Variants in CDK19 observed in about 807,000 individuals in gnomAD.
The protein encoded by CDK19 is cyclin-dependent kinase 19.
In CDK19, 20 loss-of-function variants were observed where a neutral mutation model predicts 68.3. The ratio of observed to expected loss-of-function variants is 0.29; its 90% CI spans 0.21 to 0.43. The LOEUF (loss-of-function observed/expected upper bound fraction) is 0.43, where lower values mean the gene tolerates loss of function less well. CDK19 is among the 20% of genes least tolerant of loss of function. The probability of loss-of-function intolerance (pLI) is 1.00; values close to 1 mark genes in which losing one functional copy is unlikely to be tolerated. For synonymous variants in CDK19, 221 were observed against 222.8 expected (o/e 0.99, Z 0.07); for missense variants, 339 against 623.5 (o/e 0.54, Z 4.86).
chr6:110,693,346 T>C (rs1050686661), intron 2 of CDK19, among the ~76,000 whole-genome samples: 1 of 152,360 alleles, frequency 6.6e-6, no homozygotes, highest in Admixed American at 6.5e-5. Context: ...GAGAAGGATT[T>C]AGCTTTACCT....
intron 1 of CDK19, among the ~76,000 whole-genome samples, chr6:110,763,934 G>C (rs1479120397): frequency 6.6e-6 from 1 of 152,080 alleles, no homozygotes; most frequent in Non-Finnish European, 1.5e-5. Context: ...AATATAAAAA[G>C]TCAATTGTTT....
chr6:110,632,602 G>A (rs1451410324), intron 5 of CDK19, among the ~76,000 whole-genome samples: 6 of 152,098 alleles, frequency 3.9e-5, no homozygotes, highest in East Asian at 1.9e-4. Flanking sequence ...ATGGTGGTGC[G>A]CACCTGTAGT....
intron 2 of CDK19, among the ~76,000 whole-genome samples, chr6:110,688,358 G>A (rs1772674576): frequency 6.6e-6 from 1 of 151,390 alleles, no homozygotes; most frequent in Admixed American, 6.6e-5. Context: ...TATATAAAAT[G>A]CAGGGAAGTT....
intron 1 of CDK19, among the ~76,000 whole-genome samples, chr6:110,763,699 G>C (rs1448291411): frequency 6.6e-6 from 1 of 151,758 alleles, no homozygotes; most frequent in African/African-American, 2.4e-5. Context: ...ACTGGCATGA[G>C]CCGCCACGCC....
intron 5 of CDK19, among the ~76,000 whole-genome samples, chr6:110,637,251 A>G (rs773419945): frequency 6.6e-6 from 1 of 152,244 alleles, no homozygotes; most frequent in Non-Finnish European, 1.5e-5. Context: ...GTATCTGGCA[A>G]AAAGTAGGCA....
chr6:110,734,528 T>TCCCTCTCCCTCTCCCTCTCC (rs1323653960), intron 2 of CDK19, among the ~76,000 whole-genome samples: 1 of 143,456 alleles, frequency 7.0e-6, no homozygotes, highest in Non-Finnish European at 1.5e-5. Flanking sequence ...CTGCTCTCTC[T>TCCCTCTCCCTCTCCCTCTCC]CTCTCTCTCT....
At chr6:110,668,804 C>A (rs1319852060) in intron 3 of CDK19, among the ~76,000 whole-genome samples, 1 of 151,250 alleles carries the variant, frequency 6.6e-6, no homozygotes, top group African/African-American at 2.4e-5. Context: ...TGCACTCCAG[C>A]CTGGACAACA....
chr6:110,803,850 T>C (rs777824427), intron 1 of CDK19, among the ~76,000 whole-genome samples: 1 of 152,064 alleles, frequency 6.6e-6, no homozygotes, highest in Non-Finnish European at 1.5e-5. Flanking sequence ...ATGCCTGTAG[T>C]CCCAGCTACT....
chr6:110,639,236 TAA>T (rs1779972376), intron 4 of CDK19, among the ~76,000 whole-genome samples: 2 of 151,980 alleles, frequency 1.3e-5, no homozygotes, highest in South Asian at 4.2e-4. Context: ...TGTAGGAAAA[TAA>T]AAACCAAGGC....
intron 1 of CDK19, among the ~76,000 whole-genome samples, chr6:110,769,548 G>C (rs1175879830): frequency 6.8e-6 from 1 of 147,766 alleles, no homozygotes; most frequent in East Asian, 2.0e-4. Context: ...CTGGGTGAGA[G>C]AGCAAGATTC....
chr6:110,723,151 C>CAAAA (rs34599467), intron 2 of CDK19, among the ~76,000 whole-genome samples: 30 of 132,232 alleles, frequency 2.3e-4, no homozygotes, highest in Admixed American at 3.2e-4. Flanking sequence ...AAACAAAAAA[C>CAAAA]AAAAAAAAAA....
Position 110,738,335 on chromosome 6 carries a change from C to A in CDK19, c.204+7791G>T, listed in dbSNP as rs562971108. Among the ~76,000 whole-genome samples, 312 of 150,834 alleles carry A rather than the reference C, an allele frequency of 2.1e-3. 2 individuals carry two copies. The highest frequency in any genetic ancestry group is 7.4e-3 in the African/African-American group (302 of 41,032). ...GACCAGCCTGGCCAACACGGTGAAACCCCATCTCTGCTAAAAATACAAAAA... is the reference window on the plus strand; with the variant it reads ...GACCAGCCTGGCCAACACGGTGAAAACCCATCTCTGCTAAAAATACAAAAA... On this transcript the variant is annotated intron_variant, in intron 2 of 12. Transcript: ENST00000368911.
intron 1 of CDK19, among the ~76,000 whole-genome samples, chr6:110,797,656 T>C (rs1030084137): frequency 6.6e-6 from 1 of 152,182 alleles, no homozygotes; most frequent in Non-Finnish European, 1.5e-5. Flanking sequence ...ATAGCTACTA[T>C]AGAAAGGAAA....
At chr6:110,790,108 T>C (rs112009431) in intron 1 of CDK19, among the ~76,000 whole-genome samples, 8 of 152,322 alleles carry the variant, frequency 5.3e-5, no homozygotes, top group African/African-American at 1.2e-4. Context: ...AAGGAAGGCA[T>C]TGTATATTTC....
intron 2 of CDK19, among the ~76,000 whole-genome samples, chr6:110,736,289 C>T (rs1483826719): frequency 6.6e-6 from 1 of 152,058 alleles, no homozygotes; most frequent in Non-Finnish European, 1.5e-5. Context: ...TGAGGTGAGC[C>T]GAGATCACGC....
At chr6:110,809,410 G>T (rs373569435) in intron 1 of CDK19, among the ~76,000 whole-genome samples, 1 of 151,792 alleles carries the variant, frequency 6.6e-6, no homozygotes, top group Admixed American at 6.6e-5. Context: ...TCCTAGCTAC[G>T]CAAGAGCCTG....
At chr6:110,740,492 C>T (rs565415628) in intron 2 of CDK19, among the ~76,000 whole-genome samples, 60 of 152,312 alleles carry the variant, frequency 3.9e-4, no homozygotes, top group African/African-American at 1.4e-3. Context: ...GAAATTAAAA[C>T]GTGACATGAC....
At position 110,646,169 on chromosome 6, in the gene CDK19, C is replaced by G. The variant is rs1040326231; in HGVS notation, c.457-7463G>C. 12 of 1,119,508 alleles carry G rather than the reference C, an allele frequency of 1.1e-5. No homozygotes were observed. In the African/African-American group the frequency reaches 1.8e-4, roughly 17 times the overall value. 69.3% of individuals were successfully genotyped at this position (1,119,508 alleles called of 1,614,324 possible). ...GCATGGAGAGCACGCAGCGCGCCACCGGCCACCAGAGCCTGTTCCTCCGCA... is the reference window on the plus strand; with the variant it reads ...GCATGGAGAGCACGCAGCGCGCCACGGGCCACCAGAGCCTGTTCCTCCGCA... On this transcript the variant is annotated intron_variant, in intron 4 of 12. Coordinates refer to ENST00000368911, the MANE Select transcript of CDK19 (RefSeq NM_015076.5).
At chr6:110,678,600 T>A (rs2114499542) in intron 2 of CDK19, among the ~76,000 whole-genome samples, 1 of 152,344 alleles carries the variant, frequency 6.6e-6, no homozygotes, top group South Asian at 2.1e-4. Flanking sequence ...TTTCTGCAAG[T>A]ACTAACACTT....
Sources: gnomAD v4.1 joint callset for allele counts (sites outside exome capture counted in the v4.1 genomes callset) on GRCh38, gnomAD v4.1.1 for gene constraint, MANE v1.5 for transcripts, NCBI Gene and HGNC (gene_info 2026-07-23, HGNC 2026-07-21) for gene names.